KLHL1: variants seen among roughly 807,000 people sequenced by gnomAD.
KLHL1 encodes the protein kelch like family member 1, also known as kelch-like protein 1.
KLHL1 carries 47 observed loss-of-function variants against 77.7 expected under a neutral mutation model. That is an observed-to-expected ratio of 0.60 (90% CI 0.48 to 0.77). The LOEUF (loss-of-function observed/expected upper bound fraction) is 0.77. Among genes scored for constraint, KLHL1 ranks in the 30% least tolerant of loss-of-function variants. The probability of loss-of-function intolerance (pLI) is 0.00; values close to 1 mark genes in which losing one functional copy is unlikely to be tolerated. For synonymous variants in KLHL1, 360 were observed against 325.2 expected (o/e 1.11, Z -1.15); for missense variants, 925 against 910.8 (o/e 1.02, Z -0.20).
At chr13:69,863,546 G>A (rs1880255159) in intron 5 of KLHL1, among the ~76,000 whole-genome samples, 1 of 151,676 alleles carries the variant, frequency 6.6e-6, no homozygotes, top group African/African-American at 2.4e-5. Context: ...CTGGACTTCA[G>A]CTTGCAAAAC....
intron 3 of KLHL1, among the ~76,000 whole-genome samples, 170 bp from the exon 4 acceptor site, chr13:69,940,406 A>T (rs375009287): frequency 3.3e-5 from 5 of 152,172 alleles, no homozygotes; most frequent in African/African-American, 1.2e-4. Flanking sequence ...AGAATTTTGC[A>T]TTTCGTATTT....
chr13:69,956,666 G>A lies in KLHL1; in HGVS notation c.817+4642C>T, dbSNP rs573361807. On this transcript the variant is annotated intron_variant, in intron 3 of 10. Transcript: ENST00000377844. ...TCCTATTCCAGTAACAGAGTCAACA[G>A]CTTACTATTGATCATTTCAAGGTTA... Among the ~76,000 whole-genome samples the A allele has an allele frequency of 7.1e-4, 108 of 151,552 alleles. 4 individuals are homozygous for A. In the South Asian group the frequency reaches 9.8e-3, roughly 14 times the overall value.
In KLHL1 at chr13:69,852,517, C is replaced by T. The variant is rs561087287; in HGVS notation, c.1228-13355G>A. On this transcript the variant is annotated intron_variant, in intron 5 of 10. Coordinates refer to ENST00000377844, the MANE Select transcript of KLHL1 (RefSeq NM_020866.3). ...TTAGCCTTATTTCAATTATCTTTAA[C>T]TAAAACCTTTTAATTTGACTCACAC... is the stretch of plus-strand genomic sequence containing the variant. Among the ~76,000 whole-genome samples, 17 of 152,004 alleles carry T rather than the reference C, an allele frequency of 1.1e-4. 1 individual carries two copies. In the East Asian group the frequency reaches 3.3e-3, roughly 30 times the overall value.
chr13:69,918,299 T>G lies in KLHL1; in HGVS notation c.1014+21741A>C, dbSNP rs375308184. Among the ~76,000 whole-genome samples the G allele has an allele frequency of 9.9e-5, 15 of 152,068 alleles. No homozygotes were observed. The East Asian group carries it at 2.9e-3, about 29-fold the overall frequency. On this transcript the variant is annotated intron_variant, in intron 4 of 10. Transcript: ENST00000377844. ...CTTCTTTAGTTTTTATGTATTGCCA[T>G]ATTTTAATTAGTTGATTTATCTTTA...
At chr13:70,034,784 T>C (rs1886198405) in intron 1 of KLHL1, among the ~76,000 whole-genome samples, 1 of 152,154 alleles carries the variant, frequency 6.6e-6, no homozygotes, top group Non-Finnish European at 1.5e-5. Flanking sequence ...TAAACAGCTA[T>C]GTAAAGTTTA....
At position 69,829,335 on chromosome 13, in the gene KLHL1, G is replaced by A. The variant is rs113840323; in HGVS notation, c.1414+9641C>T. Among the ~76,000 whole-genome samples the A allele has an allele frequency of 4.9e-3, 738 of 150,034 alleles. 73 individuals are homozygous for A. Among genetic ancestry groups the A allele is most frequent in the African/African-American group, 0.018 (710 of 39,960 alleles). On this transcript the variant is annotated intron_variant, in intron 6 of 10. Coordinates refer to ENST00000377844, the MANE Select transcript of KLHL1 (RefSeq NM_020866.3). ...CTGCTGGGTGGCTAGACCCAGAAGA[G>A]CAAAAACAATCACTGCAGTCCAGCT...
intron 1 of KLHL1, among the ~76,000 whole-genome samples, chr13:70,021,944 G>A (rs984454705): frequency 6.6e-6 from 1 of 151,936 alleles, no homozygotes; most frequent in Non-Finnish European, 1.5e-5. Flanking sequence ...TCTGTGGCTT[G>A]TCTTTTCATT....
At position 69,961,429 on chromosome 13, in the gene KLHL1, T is replaced by C. The variant is rs1364836016; in HGVS notation, c.696A>G (p.Ser232=). The change falls in exon 3 of 11, where the codon TCA becomes TCG. Residue 232 remains serine (S), a synonymous_variant. Transcript: ENST00000377844. ...ACATGGCCGCAAAATAGTCGGAGAC[T>C]GAACTCAGAACAAGCCTGAAAGAGT... is the stretch of plus-strand genomic sequence containing the variant. The part of the protein sequence containing the change: ...KIPAHRLVLS[S]VSDYFAAMFT... The C allele has an allele frequency of 1.2e-6, 2 of 1,612,870 alleles. No individual in the cohort carries two copies. The highest frequency in any genetic ancestry group is 3.3e-5 in the Admixed American group (2 of 59,830).
intron 5 of KLHL1, among the ~76,000 whole-genome samples, chr13:69,866,893 A>G (rs901028197): frequency 3.4e-4 from 52 of 152,206 alleles, no homozygotes; most frequent in African/African-American, 1.2e-3. Context: ...TAGTTTTAGC[A>G]GAAAAATGTG....
chr13:69,780,717 TATATATATATATATAC>T (rs1876121932), intron 7 of KLHL1, among the ~76,000 whole-genome samples: 1 of 35,478 alleles, frequency 2.8e-5, no homozygotes, highest in Non-Finnish European at 5.6e-5. Flanking sequence ...TATATATATG[TATATATATATATATAC>T]ATATATATAT....
intron 1 of KLHL1, among the ~76,000 whole-genome samples, chr13:70,031,296 C>A (rs1886095328): frequency 6.6e-6 from 1 of 152,158 alleles, no homozygotes. Flanking sequence ...TGGAGGTGTT[C>A]TTTCAGCTTG....
At chr13:70,044,411 T>C (rs1381081022) in intron 1 of KLHL1, among the ~76,000 whole-genome samples, 1 of 152,198 alleles carries the variant, frequency 6.6e-6, no homozygotes, top group Non-Finnish European at 1.5e-5. Flanking sequence ...TTGTTTATTT[T>C]GTAATAGAAA....
At chr13:70,041,431 G>A (rs1886377861) in intron 1 of KLHL1, among the ~76,000 whole-genome samples, 1 of 152,114 alleles carries the variant, frequency 6.6e-6, no homozygotes, top group Non-Finnish European at 1.5e-5. Context: ...TCCAGATTGG[G>A]CTTTTCCCAA....
At chr13:69,782,836 G>T (rs1311060262) in intron 7 of KLHL1, among the ~76,000 whole-genome samples, 2 of 152,184 alleles carry the variant, frequency 1.3e-5, no homozygotes, top group African/African-American at 4.8e-5. Context: ...CACGCAGCTG[G>T]TGATCTGAGA....
intron 7 of KLHL1, among the ~76,000 whole-genome samples, chr13:69,763,761 T>TA (rs1566225254): frequency 6.6e-6 from 1 of 152,186 alleles, no homozygotes; most frequent in African/African-American, 2.4e-5. Context: ...CAGACCAAAT[T>TA]AAAATGGAGT....
intron 5 of KLHL1, among the ~76,000 whole-genome samples, chr13:69,863,772 G>T (rs1593898802): frequency 1.3e-5 from 2 of 152,050 alleles, no homozygotes; most frequent in South Asian, 4.1e-4. Flanking sequence ...TTTCCATAAG[G>T]TTCCTCTCTG....
At chr13:69,770,875 A>T (rs1875530244) in intron 7 of KLHL1, among the ~76,000 whole-genome samples, 2 of 152,186 alleles carry the variant, frequency 1.3e-5, no homozygotes, top group South Asian at 4.1e-4. Context: ...CCTCCCAAGT[A>T]GCTGGGATTA....
chr13:69,884,400 C>A (rs539980703), intron 4 of KLHL1, among the ~76,000 whole-genome samples: 1 of 134,582 alleles, frequency 7.4e-6, no homozygotes, highest in African/African-American at 2.8e-5. Context: ...ATTAAGTGTT[C>A]TGAGATGTTT....
intron 1 of KLHL1, among the ~76,000 whole-genome samples, chr13:69,990,032 T>C (rs11840776): frequency 0.073 from 11,157 of 151,972 alleles, 546 homozygotes; most frequent in African/African-American, 0.14. Context: ...TCAACATTCT[T>C]AAAGAAAATA....
Sources: allele counts gnomAD v4.1 joint callset (sites outside exome capture counted in the v4.1 genomes callset), GRCh38; gene constraint gnomAD v4.1.1; transcripts MANE v1.5; gene names NCBI Gene and HGNC (gene_info 2026-07-23, HGNC 2026-07-21).